DZANK1: variants seen among roughly 807,000 people sequenced by gnomAD.
The protein encoded by DZANK1 is double zinc ribbon and ankyrin repeat-containing protein 1.
Under a neutral mutation model 94.5 loss-of-function variants are expected in DZANK1, and 91 were observed. That is an observed-to-expected ratio of 0.96 (90% confidence interval 0.81 to 1.15). The LOEUF (loss-of-function observed/expected upper bound fraction) is 1.15, where lower values mean the gene tolerates loss of function less well. DZANK1 is among the 50% of genes most tolerant of loss of function. The probability of loss-of-function intolerance (pLI) is 0.00; values close to 1 mark genes in which losing one functional copy is unlikely to be tolerated. For synonymous variants in DZANK1, 312 were observed against 325.3 expected, an observed-to-expected ratio of 0.96 and a Z score of 0.44; for missense variants, 903 against 916.4, an observed-to-expected ratio of 0.99 and a Z score of 0.19.
chr20:18,465,858 C>T (rs1445522492), intron 1 of DZANK1, among the ~76,000 whole-genome samples: 2 of 152,168 alleles, frequency 1.3e-5, no homozygotes, highest in African/African-American at 4.8e-5. Context: ...GGTTCACAGC[C>T]TTGCCATTAT....
At chr20:18,453,869 C>T (rs763709111) in intron 4 of DZANK1, 42 bp from the exon 5 acceptor site, 2 of 1,195,494 alleles carry the variant, frequency 1.7e-6, no homozygotes, top group East Asian at 4.7e-5. Flanking sequence ...TGGTTATTCC[C>T]ATGTGAGAAT....
intron 7 of DZANK1, among the ~76,000 whole-genome samples, chr20:18,445,496 T>C (rs2058844706): frequency 1.3e-5 from 2 of 152,182 alleles, no homozygotes; most frequent in Admixed American, 1.3e-4. Context: ...CTAAACCTAA[T>C]TGATATTTAT....
intron 13 of DZANK1, among the ~76,000 whole-genome samples, chr20:18,405,664 C>G (rs2056924492): frequency 6.6e-6 from 1 of 152,246 alleles, no homozygotes; most frequent in Non-Finnish European, 1.5e-5. Flanking sequence ...CATTCATCCT[C>G]CCTGCTGGAA....
intron 3 of DZANK1, among the ~76,000 whole-genome samples, chr20:18,459,656 T>C (rs2059405925): frequency 6.6e-6 from 1 of 151,706 alleles, no homozygotes; most frequent in Non-Finnish European, 1.5e-5. Context: ...AAAAAGTCAT[T>C]AAGAAAAAAA....
intron 8 of DZANK1, among the ~76,000 whole-genome samples, chr20:18,436,443 C>A (rs372903383): frequency 6.5e-3 from 669 of 103,276 alleles, no homozygotes; most frequent in East Asian, 0.013. Flanking sequence ...GACTCCATCT[C>A]AAAAAAAAAA....
At chr20:18,398,725 CT>C in intron 13 of DZANK1, 99 bp from the exon 14 acceptor site, 1 of 1,135,940 alleles carries the variant, frequency 8.8e-7, no homozygotes. Context: ...GGTTAATTTC[CT>C]TTGTCAAACT....
intron 6 of DZANK1, 149 bp downstream of exon 6, chr20:18,452,466 C>T (rs764575413): frequency 3.4e-6 from 3 of 891,906 alleles, no homozygotes; most frequent in South Asian, 5.0e-5. Flanking sequence ...AATACAGGGA[C>T]TTTTCTTGTC....
chr20:18,413,281 A>C (rs2148441646), intron 12 of DZANK1: 2 of 191,744 alleles, frequency 1.0e-5, no homozygotes. Context: ...ACGTCACTGC[A>C]TTCAAAGTAG....
rs1042170996 is a variant in DZANK1, at chr20:18,432,722, T to C, written c.861+930A>G. On this transcript the variant is annotated intron_variant, in intron 9 of 20. Coordinates refer to ENST00000262547, the Ensembl canonical transcript of DZANK1. ...CCCTTATTGCTAAAAATTCTTAGTTTTTTAATCCCCCAAATTCCCTCTATT... is the reference window on the plus strand; with the variant it reads ...CCCTTATTGCTAAAAATTCTTAGTTCTTTAATCCCCCAAATTCCCTCTATT... The C allele has an allele frequency of 4.6e-5, 7 of 152,246 alleles. No homozygotes were observed. The South Asian group carries it at 6.2e-4, about 13-fold the overall frequency. 9.4% of individuals were successfully genotyped at this position (152,246 alleles called of 1,614,324 possible). A position where few individuals can be genotyped will look rare whatever the true frequency, so the allele number is the denominator to read the frequency against.
chr20:18,395,739 C>T (rs2056304778), intron 15 of DZANK1, among the ~76,000 whole-genome samples: 1 of 152,200 alleles, frequency 6.6e-6, no homozygotes, highest in African/African-American at 2.4e-5. Flanking sequence ...TGACCTGCTT[C>T]TCTCACTTCC....
intron 20 of DZANK1, 43 bp downstream of exon 20, chr20:18,384,973 C>T: frequency 1.3e-6 from 2 of 1,526,316 alleles, no homozygotes; most frequent in Non-Finnish European, 8.9e-7. Flanking sequence ...TAGGGAGATC[C>T]CTGTGGCCCT....
At chr20:18,435,600 G>T (rs552697650) in intron 8 of DZANK1, among the ~76,000 whole-genome samples, 2 of 152,048 alleles carry the variant, frequency 1.3e-5, no homozygotes, top group Admixed American at 6.6e-5. Context: ...TGTCGGGGGT[G>T]GGGGGCAAGA....
At chr20:18,425,788 G>A (rs1192845072) in intron 10 of DZANK1, among the ~76,000 whole-genome samples, 1 of 152,170 alleles carries the variant, frequency 6.6e-6, no homozygotes, top group Non-Finnish European at 1.5e-5. Flanking sequence ...ACACACACAG[G>A]CAGACACAGA....
At chr20:18,463,037 T>C (rs1398231500) in intron 2 of DZANK1, among the ~76,000 whole-genome samples, 6 of 152,084 alleles carry the variant, frequency 3.9e-5, no homozygotes, top group African/African-American at 4.8e-5. Context: ...AATAAATTGT[T>C]CTACCAAAAG....
intron 6 of DZANK1, 60 bp from the exon 7 acceptor site, chr20:18,449,129 G>T: frequency 2.2e-6 from 3 of 1,364,188 alleles, no homozygotes; most frequent in East Asian, 2.3e-5. Flanking sequence ...CATGGTAAAG[G>T]CTATGGTATA....
chr20:18,443,541 G>C (rs2058778906), intron 7 of DZANK1, 77 bp from the exon 8 acceptor site: 2 of 830,734 alleles, frequency 2.4e-6, no homozygotes, highest in Non-Finnish European at 3.6e-6. Context: ...TCTAAAAGCG[G>C]TCAAACAGTT....
At chr20:18,414,871 A>C (rs1197189850) in intron 11 of DZANK1, among the ~76,000 whole-genome samples, 2 of 152,244 alleles carry the variant, frequency 1.3e-5, no homozygotes, top group Non-Finnish European at 2.9e-5. Context: ...TCATAGCACC[A>C]GTTTACTTAT....
chr20:18,428,401 C>G (rs921425989), intron 9 of DZANK1, among the ~76,000 whole-genome samples: 1 of 151,908 alleles, frequency 6.6e-6, no homozygotes, highest in Admixed American at 6.6e-5. Context: ...ATGGGTCAGG[C>G]TGGTCTCAAA....
At chr20:18,390,093 A>T (rs1313922063) in intron 18 of DZANK1, among the ~76,000 whole-genome samples, 2 of 152,140 alleles carry the variant, frequency 1.3e-5, no homozygotes, top group Non-Finnish European at 2.9e-5. Context: ...TCTTTAGGAA[A>T]CCCAGGATAA....
Sources: gnomAD v4.1 joint callset for allele counts (sites outside exome capture counted in the v4.1 genomes callset) on GRCh38, gnomAD v4.1.1 for gene constraint, MANE v1.5 for transcripts, NCBI Gene and HGNC (gene_info 2026-07-23, HGNC 2026-07-21) for gene names.